Variants in GALNT17 observed in about 807,000 individuals in gnomAD.
GALNT17 encodes the protein UDP-GalNAc:polypeptide N-acetylgalactosaminyltransferase-like 3.
GALNT17 carries 29 observed loss-of-function variants against 63.7 expected under a neutral mutation model. The ratio of observed to expected loss-of-function variants is 0.46; its 90% CI spans 0.34 to 0.62. The LOEUF (loss-of-function observed/expected upper bound fraction) is 0.62, where lower values mean the gene tolerates loss of function less well. Among genes scored for constraint, GALNT17 ranks in the 20% least tolerant of loss-of-function variants. GALNT17 has a pLI of 0.01. For missense variants in GALNT17, 603 were observed against 799.6 expected (o/e 0.75, Z 2.97); for synonymous variants, 305 against 318.3 (o/e 0.96, Z 0.45).
chr7:71,616,714 T>TAC (rs1790209730), intron 6 of GALNT17, among the ~76,000 whole-genome samples: 1 of 110,764 alleles, frequency 9.0e-6, no homozygotes, highest in Non-Finnish European at 1.8e-5. Flanking sequence ...GATTGATGTA[T>TAC]ATAATATATA....
chr7:71,318,903 C>T (rs7787338), intron 1 of GALNT17, among the ~76,000 whole-genome samples: 1 of 151,864 alleles, frequency 6.6e-6, no homozygotes, highest in Non-Finnish European at 1.5e-5. Context: ...AGCGCTCCAG[C>T]GGTCTTAGAC....
chr7:71,300,670 C>T (rs6974603), intron 1 of GALNT17: 97,444 of 242,850 alleles, frequency 0.4, 20,816 homozygotes, highest in Non-Finnish European at 0.46. Flanking sequence ...TTAAAAATTG[C>T]GCATCATATT....
chr7:71,291,233 A>G (rs934228262), intron 1 of GALNT17, among the ~76,000 whole-genome samples: 1 of 152,178 alleles, frequency 6.6e-6, no homozygotes, highest in African/African-American at 2.4e-5. Context: ...AACACCTTCT[A>G]CATCATATAT....
chr7:71,500,661 G>A (rs1476783368), intron 5 of GALNT17, among the ~76,000 whole-genome samples: 3 of 152,188 alleles, frequency 2.0e-5, no homozygotes, highest in Non-Finnish European at 4.4e-5. Flanking sequence ...GCTGGCATCA[G>A]AACCTGCAGC....
In GALNT17 at chr7:71,132,984, A is replaced by G. The variant is rs139969494; in HGVS notation, c.182A>G (p.Asp61Gly). The change falls in exon 1 of 11, where the codon GAT becomes GGT. Residue 61 changes from aspartate to glycine, a missense_variant. Coordinates refer to ENST00000333538, the MANE Select transcript of GALNT17 (RefSeq NM_022479.3). ...LSAHSASPIQDAVLKRLSLLE... is the reference protein window; with the variant it reads ...LSAHSASPIQGAVLKRLSLLE... ...GCGCACAGCGCCAGCCCCATCCAGG[A>G]TGCGGTCCTGAAGCGCCTGTCGCTG... 1,996 of 1,608,392 alleles carry G rather than the reference A, an allele frequency of 1.2e-3. 2 individuals carry two copies. The highest frequency in any genetic ancestry group is 1.6e-3 in the Non-Finnish European group (1,903 of 1,178,790).
intron 5 of GALNT17, among the ~76,000 whole-genome samples, chr7:71,428,478 C>T (rs778575928): frequency 6.6e-6 from 1 of 152,106 alleles, no homozygotes; most frequent in Non-Finnish European, 1.5e-5. Flanking sequence ...CTCTCCCTGT[C>T]ACCCAAGCTG....
At chr7:71,375,987 G>A (rs567864568) in intron 2 of GALNT17, among the ~76,000 whole-genome samples, 2 of 152,070 alleles carry the variant, frequency 1.3e-5, no homozygotes, top group Admixed American at 6.6e-5. Context: ...GCTGAGGTAG[G>A]ATAATCAGTT....
At chr7:71,283,183 G>A (rs1016807513) in intron 1 of GALNT17, among the ~76,000 whole-genome samples, 2 of 151,824 alleles carry the variant, frequency 1.3e-5, no homozygotes, top group Non-Finnish European at 2.9e-5. Context: ...GTAGGTGTGG[G>A]CCACCATGCC....
chr7:71,148,860 T>TTATATATATA (rs59163644), intron 1 of GALNT17, among the ~76,000 whole-genome samples: 1,092 of 102,982 alleles, frequency 0.011, 10 homozygotes, highest in Middle Eastern at 0.018. Flanking sequence ...TATGGTATTT[T>TTATATATATA]TATATATATA....
chr7:71,333,274 T>A (rs1249204561), intron 1 of GALNT17, among the ~76,000 whole-genome samples: 2 of 151,832 alleles, frequency 1.3e-5, no homozygotes, highest in African/African-American at 2.4e-5. Flanking sequence ...GTGACTAGCT[T>A]CATTTACTTG....
intron 9 of GALNT17, among the ~76,000 whole-genome samples, chr7:71,693,615 A>G (rs779326523): frequency 6.7e-6 from 1 of 148,518 alleles, no homozygotes; most frequent in Non-Finnish European, 1.5e-5. Flanking sequence ...GTGGACACAT[A>G]GAAGGGAATA....
chr7:71,148,091 G>A (rs2116202141), intron 1 of GALNT17, among the ~76,000 whole-genome samples: 1 of 152,206 alleles, frequency 6.6e-6, no homozygotes, highest in East Asian at 1.9e-4. Context: ...TGTTGTCATG[G>A]CCAGCCCAGT....
At chr7:71,340,669 G>A (rs1583874444) in intron 2 of GALNT17, among the ~76,000 whole-genome samples, 1 of 152,306 alleles carries the variant, frequency 6.6e-6, no homozygotes, top group East Asian at 1.9e-4. Flanking sequence ...CTTTGTTTCT[G>A]TTTAATGACT....
chr7:71,173,512 T>C (rs10081304), intron 1 of GALNT17, among the ~76,000 whole-genome samples: 60,696 of 152,134 alleles, frequency 0.4, 15,861 homozygotes, highest in African/African-American at 0.75. Flanking sequence ...GTGGTTCATG[T>C]CTGTATTCCC....
intron 6 of GALNT17, among the ~76,000 whole-genome samples, chr7:71,665,073 G>T (rs540232013): frequency 6.6e-6 from 1 of 152,226 alleles, no homozygotes; most frequent in South Asian, 2.1e-4. Flanking sequence ...CACCTCCCGG[G>T]TTCAACTGAT....
intron 5 of GALNT17, among the ~76,000 whole-genome samples, chr7:71,523,389 A>T (rs1333917640): frequency 6.6e-6 from 1 of 152,196 alleles, no homozygotes; most frequent in Non-Finnish European, 1.5e-5. Flanking sequence ...AGACTGTGCC[A>T]CTGCACTCCA....
intron 5 of GALNT17, among the ~76,000 whole-genome samples, chr7:71,452,397 T>A (rs146745044): frequency 0.017 from 2,534 of 151,842 alleles, 35 homozygotes; most frequent in Non-Finnish European, 0.024. Context: ...AATACAAAAA[T>A]TAGGCAGGCA....
chr7:71,390,597 G>A (rs1172142833), intron 3 of GALNT17, among the ~76,000 whole-genome samples: 1 of 152,114 alleles, frequency 6.6e-6, no homozygotes, highest in Non-Finnish European at 1.5e-5. Flanking sequence ...ACATGCCCAC[G>A]GCTCTCTGCT....
chr7:71,325,400 G>A (rs981783479), intron 1 of GALNT17, among the ~76,000 whole-genome samples: 1 of 152,166 alleles, frequency 6.6e-6, no homozygotes, highest in Non-Finnish European at 1.5e-5. Context: ...TGCATGCTGG[G>A]CTGGGGCTGC....
Sources: allele counts gnomAD v4.1 joint callset (sites outside exome capture counted in the v4.1 genomes callset), GRCh38; gene constraint gnomAD v4.1.1; transcripts MANE v1.5; gene names NCBI Gene and HGNC (gene_info 2026-07-23, HGNC 2026-07-21).